RNF180: variants seen among roughly 807,000 people sequenced by gnomAD.
RNF180 encodes ring finger protein 180.
In RNF180, 38 loss-of-function variants were observed where a neutral mutation model predicts 59.2. The observed-to-expected ratio is 0.64, with a 90% confidence interval of 0.50 to 0.84. The LOEUF (loss-of-function observed/expected upper bound fraction) is 0.84. Among genes scored for constraint, RNF180 ranks in the 40% least tolerant of loss-of-function variants. The pLI, the probability that RNF180 is intolerant of heterozygous loss-of-function variation, is 0.00. For missense variants in RNF180, 705 were observed against 700.9 expected, an observed-to-expected ratio of 1.01 and a Z score of -0.07; for synonymous variants, 262 against 240.3, an observed-to-expected ratio of 1.09 and a Z score of -0.84.
chr5:64,317,045 G>A (rs941460182), intron 5 of RNF180, among the ~76,000 whole-genome samples: 5 of 152,132 alleles, frequency 3.3e-5, no homozygotes, highest in Non-Finnish European at 5.9e-5. Flanking sequence ...GATGGCAGAT[G>A]CAGAACCTGC....
At chr5:64,315,262 T>G (rs79605105) in intron 5 of RNF180, among the ~76,000 whole-genome samples, 5 of 152,296 alleles carry the variant, frequency 3.3e-5, no homozygotes, top group Non-Finnish European at 7.4e-5. Flanking sequence ...AAGTTCAAAT[T>G]TTATCATTTT....
At chr5:64,323,383 A>T (rs768371652) in intron 5 of RNF180, among the ~76,000 whole-genome samples, 43 of 152,228 alleles carry the variant, frequency 2.8e-4, no homozygotes, top group South Asian at 1.5e-3. Flanking sequence ...TCTACTAAAA[A>T]TACAAAGAAT....
chr5:64,283,760 C>T (rs753917277), intron 5 of RNF180, among the ~76,000 whole-genome samples: 40 of 152,126 alleles, frequency 2.6e-4, no homozygotes, highest in South Asian at 1.0e-3. Flanking sequence ...CCCAACCATG[C>T]GGAACTGTAA....
At chr5:64,322,602 C>T (rs367929618) in intron 5 of RNF180, among the ~76,000 whole-genome samples, 5 of 143,496 alleles carry the variant, frequency 3.5e-5, no homozygotes, top group Non-Finnish European at 4.6e-5. Flanking sequence ...TATATATATA[C>T]GTGTGTGTGT....
At chr5:64,323,261 C>T (rs1361652198) in intron 5 of RNF180, among the ~76,000 whole-genome samples, 1 of 152,110 alleles carries the variant, frequency 6.6e-6, no homozygotes, top group Non-Finnish European at 1.5e-5. Flanking sequence ...AGGATATAGG[C>T]TGGGTGTGGT....
At chr5:64,256,349 C>G (rs1302832823) in intron 5 of RNF180, among the ~76,000 whole-genome samples, 1 of 152,150 alleles carries the variant, frequency 6.6e-6, no homozygotes, top group African/African-American at 2.4e-5. Context: ...ACATTTAAGT[C>G]TTTAATCCAT....
chr5:64,251,918 T>C (rs1743605378), intron 5 of RNF180, among the ~76,000 whole-genome samples: 1 of 151,962 alleles, frequency 6.6e-6, no homozygotes, highest in Non-Finnish European at 1.5e-5. Context: ...AACTATAAAA[T>C]ATTGATGAAG....
At position 64,302,430 on chromosome 5, in the gene RNF180, TC is replaced by T. The variant is rs1743207025; in HGVS notation, c.1228-22754del. Among the ~76,000 whole-genome samples the T allele has an allele frequency of 2.0e-5, 3 of 151,710 alleles. No homozygotes were observed. The South Asian group carries it at 6.2e-4, about 31-fold the overall frequency. On this transcript the variant is annotated intron_variant, in intron 5 of 7. Transcript: ENST00000389100. The stretch of plus-strand genomic sequence containing the variant: ...CTGAATTTTATGTGGCTCATTCTTT[TC>T]CAGTATCTTCCTTGGCCACATCAGA...
intron 7 of RNF180, among the ~76,000 whole-genome samples, chr5:64,334,184 G>A (rs1745028274): frequency 1.3e-5 from 2 of 152,142 alleles, no homozygotes. Flanking sequence ...GGAAAGCAAT[G>A]GGCACTGAGT....
intron 5 of RNF180, among the ~76,000 whole-genome samples, chr5:64,259,862 G>C (rs909354510): frequency 2.6e-5 from 4 of 151,888 alleles, no homozygotes; most frequent in African/African-American, 9.7e-5. Context: ...CGGAGGTTGT[G>C]GTGAGCCAAG....
intron 6 of RNF180, 123 bp downstream of exon 6, chr5:64,325,534 T>C (rs1487452525): frequency 1.4e-6 from 1 of 722,776 alleles, no homozygotes; most frequent in East Asian, 2.7e-5. Flanking sequence ...TTCTCCAGTT[T>C]ATAAAACAGT....
At chr5:64,306,969 T>TAGA (rs1743500186) in intron 5 of RNF180, among the ~76,000 whole-genome samples, 1 of 149,390 alleles carries the variant, frequency 6.7e-6, no homozygotes, top group African/African-American at 2.5e-5. Context: ...AAACTTAAAG[T>TAGA]ATAATAATAA....
At chr5:64,235,350 C>G (rs897831737) in intron 5 of RNF180, among the ~76,000 whole-genome samples, 2 of 152,082 alleles carry the variant, frequency 1.3e-5, no homozygotes, top group Non-Finnish European at 2.9e-5. Flanking sequence ...AATCATTGAT[C>G]ACAATCAAAA....
intron 5 of RNF180, among the ~76,000 whole-genome samples, chr5:64,239,457 ACT>A (rs1276228363): frequency 6.6e-6 from 1 of 152,144 alleles, no homozygotes; most frequent in Non-Finnish European, 1.5e-5. Flanking sequence ...TAGATAATGC[ACT>A]TTTTTGGAAG....
chr5:64,209,807 T>C (rs1752211877), intron 2 of RNF180, among the ~76,000 whole-genome samples: 1 of 152,140 alleles, frequency 6.6e-6, no homozygotes, highest in African/African-American at 2.4e-5. Context: ...ATCTTCATAA[T>C]TGTCAGCTCC....
chr5:64,206,570 G>C (rs751912228), intron 2 of RNF180, among the ~76,000 whole-genome samples: 3 of 151,954 alleles, frequency 2.0e-5, no homozygotes, highest in Non-Finnish European at 4.4e-5. Flanking sequence ...CTTTGTGTTC[G>C]CTCTTCTTAG....
rs527511587 is a variant in RNF180 at position 64,301,254 on chromosome 5, G to C, written c.1228-23932G>C. Among the ~76,000 whole-genome samples the C allele has an allele frequency of 7.9e-5, 12 of 151,674 alleles. No homozygotes were observed. In the South Asian group the frequency reaches 2.5e-3, roughly 32 times the overall value. ...GACAATTAAATTTATTCAATATGTT[G>C]TATTTACAAATATAAATGCAAATCT... On this transcript the variant is annotated intron_variant, in intron 5 of 7. Transcript: ENST00000389100.
chr5:64,267,062 A>G (rs1744721866), intron 5 of RNF180, among the ~76,000 whole-genome samples: 1 of 152,084 alleles, frequency 6.6e-6, no homozygotes. Flanking sequence ...GTGAGACATT[A>G]TATCATATTC....
At chr5:64,180,985 C>G (rs1213167344) in intron 1 of RNF180, among the ~76,000 whole-genome samples, 1 of 152,150 alleles carries the variant, frequency 6.6e-6, no homozygotes, top group Non-Finnish European at 1.5e-5. Flanking sequence ...CAGTCTGTCG[C>G]TGAAGGCTTG....
Sources: gnomAD v4.1 joint callset for allele counts (sites outside exome capture counted in the v4.1 genomes callset) on GRCh38, gnomAD v4.1.1 for gene constraint, MANE v1.5 for transcripts, NCBI Gene and HGNC (gene_info 2026-07-23, HGNC 2026-07-21) for gene names.